The following FOXK1 variants were observed in gnomAD, a reference collection of about 807,000 sequenced individuals.
The protein encoded by FOXK1 is forkhead box protein K1.
A neutral mutation model predicts 51.9 loss-of-function variants in FOXK1; 19 were observed. The observed-to-expected ratio is 0.37, with a 90% CI of 0.26 to 0.54. The LOEUF is 0.54. FOXK1 is among the 20% of genes least tolerant of loss of function. The pLI is 0.87. For missense variants in FOXK1, 870 were observed against 1,032.7 expected (o/e 0.84, Z 2.16); for synonymous variants, 537 against 482.6 (o/e 1.11, Z -1.48).
At chr7:4,726,839 G>A (rs962918372) in intron 1 of FOXK1, among the ~76,000 whole-genome samples, 2 of 152,248 alleles carry the variant, frequency 1.3e-5, no homozygotes, top group African/African-American at 2.4e-5. Context: ...CATCACCAGA[G>A]TGTTCAGAGA....
intron 1 of FOXK1, among the ~76,000 whole-genome samples, chr7:4,692,466 G>C (rs1291034453): frequency 6.6e-6 from 1 of 152,202 alleles, no homozygotes; most frequent in African/African-American, 2.4e-5. Context: ...CACGATCTCA[G>C]CTCACTGCAA....
intron 1 of FOXK1, among the ~76,000 whole-genome samples, chr7:4,685,268 C>G (rs1779804486): frequency 7.1e-6 from 1 of 141,244 alleles, no homozygotes; most frequent in Non-Finnish European, 1.5e-5. Context: ...CTCTGTTGTC[C>G]AGACTGGAGT....
intron 2 of FOXK1, among the ~76,000 whole-genome samples, chr7:4,746,088 G>A (rs1335307801): frequency 6.6e-6 from 1 of 152,184 alleles, no homozygotes; most frequent in African/African-American, 2.4e-5. Flanking sequence ...TTCAAGAGCT[G>A]TTTCTCTTAA....
Position 4,761,037 on chromosome 7 carries a change from G to A in FOXK1, c.1697-27G>A. 3.8e-6 allele frequency: 6 copies of A among 1,592,202 alleles called. No homozygotes were observed. Among genetic ancestry groups the A allele is most frequent in the Non-Finnish European group, 5.2e-6 (6 of 1,162,332 alleles). ...ATCGATTGTCTCGTTGGCCGAGTGTGGTGCTGACTTGGTTCCTGTCCCGCA... is the reference window on the plus strand; with the variant it reads ...ATCGATTGTCTCGTTGGCCGAGTGTAGTGCTGACTTGGTTCCTGTCCCGCA... On this transcript the variant is annotated intron_variant, in intron 7 of 8. Coordinates refer to ENST00000328914, the MANE Select transcript of FOXK1 (RefSeq NM_001037165.2). This position sits in a 1 kb window ranked among gnomAD's most constrained non-coding sequence, Gnocchi z 6.2.
At chr7:4,712,564 G>T (rs904254095) in intron 1 of FOXK1, among the ~76,000 whole-genome samples, 3 of 152,170 alleles carry the variant, frequency 2.0e-5, no homozygotes, top group Admixed American at 2.0e-4. Context: ...GAAGGAACAC[G>T]GAGAGTTGTT....
At chr7:4,718,153 A>G (rs1033056323) in intron 1 of FOXK1, among the ~76,000 whole-genome samples, 11 of 152,206 alleles carry the variant, frequency 7.2e-5, no homozygotes, top group African/African-American at 2.7e-4. Context: ...AGGTCCCTGC[A>G]CAGCCCACCA....
rs1012939708 is a variant in FOXK1, at chr7:4,753,346, G to C, written c.747-1113G>C. Among the ~76,000 whole-genome samples the C allele has an allele frequency of 1.3e-5, 2 of 152,146 alleles. No homozygotes were observed. Among genetic ancestry groups the C allele is most frequent in the Admixed American group, 1.3e-4 (2 of 15,280 alleles). On this transcript the variant is annotated intron_variant, in intron 2 of 8. Coordinates refer to ENST00000328914, the MANE Select transcript of FOXK1 (RefSeq NM_001037165.2). The surrounding 1 kb of genome is among the most constrained non-coding windows in gnomAD (Gnocchi z 4.9). The stretch of plus-strand genomic sequence containing the variant: ...TCTTGTGCCTGGACAGTTAGGGAAG[G>C]ATGTTCCTGGCAGAGGAAAGGGCAG...
chr7:4,758,971 T>G lies in FOXK1; in HGVS notation c.1245-80T>G. 1 of 1,458,156 alleles carries G rather than the reference T, an allele frequency of 6.9e-7. No individual in the cohort carries two copies. Among genetic ancestry groups the G allele is most frequent in the South Asian group, 1.3e-5 (1 of 75,150 alleles). The allele number at this position is 1,458,156 out of a possible 1,614,324, so 90.3% of individuals were successfully genotyped here. Reference sequence around the variant, plus strand: ...AGGGAGCGTGGGCGGGTGACGGCGCTGAGATGCGTGATGTCTCGGAAACGT... The same window carrying G: ...AGGGAGCGTGGGCGGGTGACGGCGCGGAGATGCGTGATGTCTCGGAAACGT... On this transcript the variant is annotated intron_variant, in intron 5 of 8. Transcript: ENST00000328914. The surrounding 1 kb of genome is among the most constrained non-coding windows in gnomAD (Gnocchi z 4.4).
At chr7:4,705,511 TTCTCTTTCTC>T (rs1268415179) in intron 1 of FOXK1, among the ~76,000 whole-genome samples, 19 of 108,406 alleles carry the variant, frequency 1.8e-4, no homozygotes, top group African/African-American at 5.1e-4. Flanking sequence ...TGTCATTTCC[TTCTCTTTCTC>T]TCTCTCTCTC....
chr7:4,761,380 C>G lies in FOXK1; in HGVS notation c.1921+92C>G, dbSNP rs932428230. ...ATGAGAATGTTCTCCCAGTATCTCC[C>G]GATCCTCCACTCAGTTCAATTTATT... On this transcript the variant is annotated intron_variant, in intron 8 of 8. Transcript: ENST00000328914. The surrounding 1 kb of genome is among the most constrained non-coding windows in gnomAD (Gnocchi z 6.2). 1 of 1,227,786 alleles carries G rather than the reference C, an allele frequency of 8.1e-7. No individual in the cohort carries two copies. The highest frequency in any genetic ancestry group is 1.5e-5 in the African/African-American group (1 of 66,994). 76.1% of individuals were successfully genotyped at this position (1,227,786 alleles called of 1,614,324 possible). A position where few individuals can be genotyped will look rare whatever the true frequency, so the allele number is the denominator to read the frequency against.
intron 1 of FOXK1, among the ~76,000 whole-genome samples, chr7:4,706,901 A>T (rs983273185): frequency 6.7e-6 from 1 of 150,020 alleles, no homozygotes; most frequent in Non-Finnish European, 1.5e-5. Flanking sequence ...TCTCCCTCTC[A>T]CCTCCCCCCG....
Position 4,735,753 on chromosome 7 carries a change from T to C in FOXK1, c.561-5085T>C, listed in dbSNP as rs1780544469. Among the ~76,000 whole-genome samples the C allele has an allele frequency of 6.6e-6, 1 of 152,174 alleles. No homozygotes were observed. Among genetic ancestry groups the C allele is most frequent in the Admixed American group, 6.5e-5 (1 of 15,270 alleles). On this transcript the variant is annotated intron_variant, in intron 1 of 8. Coordinates refer to ENST00000328914, the MANE Select transcript of FOXK1 (RefSeq NM_001037165.2). The surrounding 1 kb of genome is among the most constrained non-coding windows in gnomAD (Gnocchi z 4.7). The stretch of plus-strand genomic sequence containing the variant: ...AAACCACCGTGCAGCACCTTCACGA[T>C]GCAAAACGTGCTCGTTCAGACTCCA...
chr7:4,694,206 CATT>C (rs1323993780), intron 1 of FOXK1, among the ~76,000 whole-genome samples: 8 of 152,244 alleles, frequency 5.3e-5, no homozygotes, highest in East Asian at 1.9e-4. Context: ...TGTATGGAGA[CATT>C]GTTGTGTGGG....
chr7:4,701,145 T>TC (rs1475189659), intron 1 of FOXK1, among the ~76,000 whole-genome samples: 1 of 152,144 alleles, frequency 6.6e-6, no homozygotes, highest in Non-Finnish European at 1.5e-5. Context: ...GCTTCCTATC[T>TC]CCAAGCTCCC....
intron 1 of FOXK1, among the ~76,000 whole-genome samples, chr7:4,724,597 C>T (rs530350460): frequency 2.0e-5 from 3 of 152,194 alleles, no homozygotes; most frequent in South Asian, 2.1e-4. Flanking sequence ...GTCTGTGCCT[C>T]GTTGTGTGTG....
intron 2 of FOXK1, among the ~76,000 whole-genome samples, chr7:4,750,768 A>C (rs372724089): frequency 1.2e-3 from 186 of 150,444 alleles, no homozygotes; most frequent in Non-Finnish European, 2.3e-3. Flanking sequence ...ACAATGGCAT[A>C]ATCTCGGCTC....
At position 4,762,292 on chromosome 7, in the gene FOXK1, C is replaced by T. The variant is rs759848287; in HGVS notation, c.2030C>T (p.Ala677Val). The T allele has an allele frequency of 7.7e-5, 119 of 1,550,234 alleles. No individual in the cohort carries two copies. Among genetic ancestry groups the T allele is most frequent in the South Asian group, 6.7e-4 (56 of 84,046 alleles). Reference protein sequence around the residue: ...VGPKEPAAAVAATATTTPATA... With the variant: ...VGPKEPAAAVVATATTTPATA... Reference sequence around the variant, plus strand: ...CCCAAGGAGCCAGCAGCAGCCGTCGCGGCCACGGCCACCACCACCCCAGCC... The same window carrying T: ...CCCAAGGAGCCAGCAGCAGCCGTCGTGGCCACGGCCACCACCACCCCAGCC... Residue 677 changes from alanine to valine, a missense_variant, in exon 9 of 9, where the codon GCG becomes GTG. Ala to Val is a moderately conservative substitution (Grantham distance 64). Around this residue, in one of 3 missense-constraint regions of FOXK1, gnomAD observed 457 missense variants for 510.8 expected, o/e 0.89. Transcript: ENST00000328914. The surrounding 1 kb of genome is among the most constrained non-coding windows in gnomAD (Gnocchi z 5.7).
chr7:4,745,246 C>T lies in FOXK1; in HGVS notation c.746+4223C>T, dbSNP rs181900642. Among the ~76,000 whole-genome samples the T allele has an allele frequency of 2.0e-4, 30 of 152,300 alleles. No homozygotes were observed. In the East Asian group the frequency reaches 3.9e-3, roughly 20 times the overall value. On this transcript the variant is annotated intron_variant, in intron 2 of 8. Transcript: ENST00000328914. The surrounding 1 kb of genome is among the most constrained non-coding windows in gnomAD (Gnocchi z 4.3). ...TTTGGTGTGCATTCGCCTCGCCAGTCCTCATTGGCCGTGGAGTGGCTGGCT... is the reference window on the plus strand; with the variant it reads ...TTTGGTGTGCATTCGCCTCGCCAGTTCTCATTGGCCGTGGAGTGGCTGGCT...
chr7:4,744,325 G>T (rs1313804247), intron 2 of FOXK1, among the ~76,000 whole-genome samples: 9 of 152,070 alleles, frequency 5.9e-5, no homozygotes, highest in Non-Finnish European at 1.2e-4. Flanking sequence ...TATTACTGGT[G>T]GGGATTGCGC....
Sources: gnomAD v4.1 joint callset for allele counts (sites outside exome capture counted in the v4.1 genomes callset) on GRCh38, gnomAD v4.1.1 for gene constraint, gnomAD v4.1.1 regional missense constraint, Gnocchi (gnomAD v3.1) non-coding constraint, MANE v1.5 for transcripts, NCBI Gene and HGNC (gene_info 2026-07-23, HGNC 2026-07-21) for gene names.